SYT17: variants seen among roughly 807,000 people sequenced by gnomAD.
SYT17 encodes synaptotagmin-17.
In SYT17, 22 loss-of-function variants were observed where a neutral mutation model predicts 46.7. The observed-to-expected ratio is 0.47, with a 90% confidence interval of 0.34 to 0.67. The LOEUF is 0.67. Among genes scored for constraint, SYT17 ranks in the 30% least tolerant of loss-of-function variants. The pLI is 0.01. For missense variants in SYT17, 519 were observed against 612.8 expected, an observed-to-expected ratio of 0.85 and a Z score of 1.62; for synonymous variants, 251 against 248.4, an observed-to-expected ratio of 1.01 and a Z score of -0.10.
chr16:19,262,590 C>T (rs945010381), intron 7 of SYT17, among the ~76,000 whole-genome samples: 3 of 152,258 alleles, frequency 2.0e-5, no homozygotes, highest in African/African-American at 7.2e-5. Context: ...TGGAGTTATA[C>T]GAGCAGTGCC....
intron 3 of SYT17, among the ~76,000 whole-genome samples, chr16:19,179,482 G>C (rs560466441): frequency 1.3e-5 from 2 of 152,136 alleles, no homozygotes; most frequent in Admixed American, 1.3e-4. Context: ...GCCCAGGCTG[G>C]TCTCAAACTC....
chr16:19,260,754 G>A (rs911261565), intron 7 of SYT17, among the ~76,000 whole-genome samples: 5 of 152,152 alleles, frequency 3.3e-5, no homozygotes, highest in Middle Eastern at 3.4e-3. Context: ...ATTTAAAAGA[G>A]TCCCCCATAA....
chr16:19,201,192 G>A (rs1220640023), intron 5 of SYT17, among the ~76,000 whole-genome samples: 1 of 152,156 alleles, frequency 6.6e-6, no homozygotes, highest in Non-Finnish European at 1.5e-5. Context: ...TGGTCATGGA[G>A]GCCTGTTTAT....
At chr16:19,203,423 C>T (rs1051291204) in intron 5 of SYT17, among the ~76,000 whole-genome samples, 5 of 152,030 alleles carry the variant, frequency 3.3e-5, no homozygotes, top group African/African-American at 1.2e-4. Context: ...CTTGAGCCTG[C>T]ACCATCATCG....
At position 19,173,536 on chromosome 16, in the gene SYT17, T is replaced by C. The variant is rs1964191677; in HGVS notation, c.140T>C (p.Val47Ala). 5 of 1,613,848 alleles carry C rather than the reference T, an allele frequency of 3.1e-6. No homozygotes were observed. The African/African-American group carries it at 4.0e-5, about 13-fold the overall frequency. ...SSCCQSSEDE[V>A]EILGPFPAQT... Reference sequence around the variant, plus strand: ...TGTTGCCAGTCAAGTGAGGATGAAGTTGAAATTCTGGGACCTTTCCCTGCT... The same window carrying C: ...TGTTGCCAGTCAAGTGAGGATGAAGCTGAAATTCTGGGACCTTTCCCTGCT... Residue 47 changes from valine (V) to alanine (A), a missense_variant, in exon 3 of 8, where the codon GTT becomes GCT. Val to Ala is a moderately conservative substitution (Grantham distance 64). Coordinates refer to ENST00000355377, the MANE Select transcript of SYT17 (RefSeq NM_016524.4).
chr16:19,215,210 T>A (rs956395808), intron 5 of SYT17, among the ~76,000 whole-genome samples: 5 of 152,258 alleles, frequency 3.3e-5, no homozygotes, highest in African/African-American at 1.2e-4. Context: ...TCTCTTTTTT[T>A]AAAATTTATT....
chr16:19,246,587 T>C (rs192264934), intron 7 of SYT17, among the ~76,000 whole-genome samples: 1 of 152,326 alleles, frequency 6.6e-6, no homozygotes, highest in East Asian at 1.9e-4. Flanking sequence ...AATATGTGTA[T>C]ATACGTACAC....
At chr16:19,264,714 C>G (rs911692141) in intron 7 of SYT17, among the ~76,000 whole-genome samples, 1 of 152,032 alleles carries the variant, frequency 6.6e-6, no homozygotes, top group Non-Finnish European at 1.5e-5. Flanking sequence ...ACCTCAGCCT[C>G]CTGAGTAGCT....
intron 7 of SYT17, among the ~76,000 whole-genome samples, chr16:19,243,267 G>A (rs1967271292): frequency 6.6e-6 from 1 of 152,202 alleles, no homozygotes; most frequent in South Asian, 2.1e-4. Context: ...GGGGCCTGTT[G>A]TTCACTTTCT....
intron 5 of SYT17, among the ~76,000 whole-genome samples, chr16:19,212,259 G>A (rs1965932732): frequency 1.3e-5 from 2 of 152,150 alleles, no homozygotes. Context: ...TAGTGCTGAG[G>A]TTGACAAACC....
chr16:19,181,420 G>T (rs1341329013), intron 4 of SYT17, among the ~76,000 whole-genome samples: 1 of 152,022 alleles, frequency 6.6e-6, no homozygotes, highest in Non-Finnish European at 1.5e-5. Flanking sequence ...ATCCATTCAG[G>T]TGGAGATCAT....
chr16:19,231,969 T>C (rs185648056), intron 7 of SYT17, among the ~76,000 whole-genome samples: 1 of 151,018 alleles, frequency 6.6e-6, no homozygotes, highest in Non-Finnish European at 1.5e-5. Flanking sequence ...GTCTGTGGAG[T>C]GAGAGGAGCT....
chr16:19,249,306 A>ATAAG lies in SYT17; in HGVS notation c.1229-17570_1229-17567dup, dbSNP rs1555462986. Among the ~76,000 whole-genome samples the ATAAG allele has an allele frequency of 2.0e-3, 308 of 151,168 alleles. 11 individuals carry two copies. The South Asian group carries it at 0.025, about 12-fold the overall frequency. On this transcript the variant is annotated intron_variant, in intron 7 of 7. Transcript: ENST00000355377. ...AATAAATAAATAAATAAATAAATAA[A>ATAAG]TAAGTAAATAAACTATGGTGGAAGA...
intron 5 of SYT17, among the ~76,000 whole-genome samples, chr16:19,188,448 C>G (rs1457934625): frequency 7.5e-6 from 1 of 133,760 alleles, no homozygotes; most frequent in Non-Finnish European, 1.5e-5. Context: ...ACGAGTTTAC[C>G]TATGTAACAA....
At chr16:19,186,867 G>A (rs866072250) in intron 5 of SYT17, among the ~76,000 whole-genome samples, 4 of 151,922 alleles carry the variant, frequency 2.6e-5, no homozygotes, top group South Asian at 4.2e-4. Flanking sequence ...TTATGTGCCC[G>A]GCATTTCTAG....
intron 7 of SYT17, among the ~76,000 whole-genome samples, chr16:19,246,675 C>G (rs1967600431): frequency 6.6e-6 from 1 of 152,166 alleles, no homozygotes; most frequent in Non-Finnish European, 1.5e-5. Context: ...GTCTATATCT[C>G]TACTCTCTTT....
rs11388642 is a variant in SYT17 at position 19,172,635 on chromosome 16, C to CTTTT, written c.16-114_16-111dup. ...GGATGGTAAGTGGAAATATGCAGGG[C>CTTTT]TTTTTTTTTTTTTTGTAAAATTTTT... On this transcript the variant is annotated intron_variant, in intron 1 of 7. Coordinates refer to ENST00000355377, the MANE Select transcript of SYT17 (RefSeq NM_016524.4). 6.0e-5 allele frequency: 86 copies of CTTTT among 1,440,596 alleles called. No homozygotes were observed. The South Asian group carries it at 1.1e-3, about 19-fold the overall frequency. 89.2% of individuals were successfully genotyped at this position (1,440,596 alleles called of 1,614,324 possible).
rs1362961347 is a variant in SYT17 at position 19,223,070 on chromosome 16, T to A, written c.977T>A (p.Leu326His). ...AATGAAGTGGAGCTGGGGGAGCTGC[T>A]TCTGTCACTGAATTATCTCCCAAGT... The part of the protein sequence containing the change: ...SQNEVELGEL[L>H]LSLNYLPSAG... The change falls in exon 6 of 8, where the codon CTT becomes CAT. Residue 326 changes from leucine (L) to histidine (H), a missense_variant. Coordinates refer to ENST00000355377, the MANE Select transcript of SYT17 (RefSeq NM_016524.4). 2 of 1,614,098 alleles carry A rather than the reference T, an allele frequency of 1.2e-6. No individual in the cohort carries two copies. The highest frequency in any genetic ancestry group is 8.5e-7 in the Non-Finnish European group (1 of 1,179,978).
At chr16:19,176,549 G>C (rs769215660) in intron 3 of SYT17, among the ~76,000 whole-genome samples, 1 of 152,156 alleles carries the variant, frequency 6.6e-6, no homozygotes. Flanking sequence ...GTAAATGAAC[G>C]GGCACGTCTG....
Sources: allele counts gnomAD v4.1 joint callset (sites outside exome capture counted in the v4.1 genomes callset), GRCh38; gene constraint gnomAD v4.1.1; transcripts MANE v1.5; gene names NCBI Gene and HGNC (gene_info 2026-07-23, HGNC 2026-07-21).